The following LINC01488 variants were observed in gnomAD, a reference collection of about 807,000 sequenced individuals.
LINC01488 encodes the protein CCND1-upstream intergenic DNA repair 1.
At chr11:69,483,922 G>C (rs1378533512) in intron 1 of LINC01488, among the ~76,000 whole-genome samples, 2 of 152,248 alleles carry the variant, frequency 1.3e-5, no homozygotes, top group African/African-American at 4.8e-5. Flanking sequence ...GCGCTTCAAA[G>C]AAGAGCCTTT....
At chr11:69,486,741 C>T (rs1857127092) in intron 1 of LINC01488, among the ~76,000 whole-genome samples, 1 of 152,162 alleles carries the variant, frequency 6.6e-6, no homozygotes, top group Non-Finnish European at 1.5e-5. Flanking sequence ...ATCTGAGGAG[C>T]TCCATAAGCC....
At chr11:69,492,338 C>A (rs1472037086) in exon 4 of LINC01488, 1 of 152,282 alleles carries the variant, frequency 6.6e-6, no homozygotes, top group Non-Finnish European at 1.5e-5. Context: ...TAACCCGTCA[C>A]CCTTGACAGT....
intron 1 of LINC01488, among the ~76,000 whole-genome samples, chr11:69,482,705 A>G (rs149144537): frequency 0.011 from 1,703 of 152,322 alleles, 33 homozygotes; most frequent in African/African-American, 0.039. Flanking sequence ...ATTGATTTAT[A>G]TAGTTTGTCA....
chr11:69,483,537 T>C (rs897401913), intron 1 of LINC01488, among the ~76,000 whole-genome samples: 4 of 152,082 alleles, frequency 2.6e-5, no homozygotes, highest in Non-Finnish European at 5.9e-5. Flanking sequence ...GAAGAAACCA[T>C]CTCCATGGGT....
intron 1 of LINC01488, among the ~76,000 whole-genome samples, chr11:69,485,398 A>G (rs1483285354): frequency 6.6e-6 from 1 of 152,192 alleles, no homozygotes; most frequent in African/African-American, 2.4e-5. Context: ...TGGACTTAAC[A>G]TTCATTCAAC....
intron 1 of LINC01488, among the ~76,000 whole-genome samples, chr11:69,489,479 G>A (rs993269977): frequency 3.3e-5 from 5 of 152,218 alleles, no homozygotes; most frequent in Admixed American, 1.3e-4. Context: ...AACCTCCAGC[G>A]CGAAATCACT....
chr11:69,488,316 G>T (rs1440878917), intron 1 of LINC01488: 1 of 152,368 alleles, frequency 6.6e-6, no homozygotes, highest in Non-Finnish European at 1.5e-5. Flanking sequence ...AGGGTAAGAG[G>T]GAGACACAGC....
exon 4 of LINC01488, chr11:69,492,838 T>C (rs138891700): frequency 1.1e-4 from 16 of 152,298 alleles, no homozygotes; most frequent in Non-Finnish European, 2.1e-4. Flanking sequence ...TGAGCTGGGA[T>C]GAGAACGCAG....
chr11:69,491,519 G>A (rs1412508418), intron 3 of LINC01488: 4 of 152,286 alleles, frequency 2.6e-5, no homozygotes, highest in African/African-American at 4.8e-5. Context: ...GTGGGGTGAG[G>A]GAGGAGAGAG....
chr11:69,482,070 G>A (rs1485343448), intron 1 of LINC01488, among the ~76,000 whole-genome samples: 1 of 152,052 alleles, frequency 6.6e-6, no homozygotes, highest in African/African-American at 2.4e-5. Context: ...TGCTAACAAA[G>A]ACATACCTGA....
Position 69,486,970 on chromosome 11 carries a change from G to A in LINC01488, n.123-3525G>A, listed in dbSNP as rs537359338. Among the ~76,000 whole-genome samples, 295 of 152,312 alleles carry A rather than the reference G, an allele frequency of 1.9e-3. 1 individual carries two copies. Among genetic ancestry groups the A allele is most frequent in the Non-Finnish European group, 3.0e-3 (205 of 68,012 alleles). ...AGAGCTGCACGGCCTCCTCTTTCGC[G>A]TTAACCCGAAAAGCCGTGCTGGGGG... On this transcript the variant is annotated intron_variant and non_coding_transcript_variant, in intron 1 of 3. Coordinates refer to ENST00000644563, the Ensembl canonical transcript of LINC01488.
intron 1 of LINC01488, among the ~76,000 whole-genome samples, chr11:69,485,078 G>C (rs373972588): frequency 6.6e-6 from 1 of 152,322 alleles, no homozygotes; most frequent in Admixed American, 6.5e-5. Flanking sequence ...ATGTCACTGC[G>C]TATGGGAAGT....
intron 1 of LINC01488, among the ~76,000 whole-genome samples, chr11:69,487,291 C>G (rs1857139865): frequency 6.6e-6 from 1 of 152,134 alleles, no homozygotes; most frequent in African/African-American, 2.4e-5. Context: ...GCCAGCTGGA[C>G]AGGGTGGGAC....
At chr11:69,484,818 C>A (rs553405520) in intron 1 of LINC01488, among the ~76,000 whole-genome samples, 73 of 152,256 alleles carry the variant, frequency 4.8e-4, no homozygotes, top group Admixed American at 8.5e-4. Context: ...CTGGGTCAAA[C>A]CCTGGGCTCA....
At chr11:69,482,564 T>C (rs916346569) in intron 1 of LINC01488, among the ~76,000 whole-genome samples, 5 of 150,438 alleles carry the variant, frequency 3.3e-5, no homozygotes, top group African/African-American at 1.2e-4. Flanking sequence ...AGTAGGTGGA[T>C]GGATGAGTAG....
intron 1 of LINC01488, among the ~76,000 whole-genome samples, chr11:69,489,788 C>A (rs981166642): frequency 3.9e-5 from 6 of 152,234 alleles, no homozygotes; most frequent in Non-Finnish European, 8.8e-5. Context: ...TCACAGAGAA[C>A]CCCCGTGGCC....
chr11:69,491,763 C>T (rs948001767), intron 3 of LINC01488: 1 of 152,550 alleles, frequency 6.6e-6, no homozygotes, highest in Admixed American at 6.5e-5. Flanking sequence ...CAGGCAGAAC[C>T]CCTGCCCCAT....
At chr11:69,489,954 A>C (rs1376848561) in intron 1 of LINC01488, among the ~76,000 whole-genome samples, 6 of 152,190 alleles carry the variant, frequency 3.9e-5, no homozygotes, top group African/African-American at 1.4e-4. Context: ...CCCAGGTCCC[A>C]GCCAGGACCT....
At chr11:69,485,725 G>T (rs1297160062) in intron 1 of LINC01488, 1 of 152,260 alleles carries the variant, frequency 6.6e-6, no homozygotes, top group African/African-American at 2.4e-5. Context: ...GAGGTCAGGA[G>T]GCAAGTACAG....
Sources: allele counts gnomAD v4.1 joint callset (sites outside exome capture counted in the v4.1 genomes callset), GRCh38; gene constraint gnomAD v4.1.1; transcripts MANE v1.5; gene names NCBI Gene and HGNC (gene_info 2026-07-23, HGNC 2026-07-21).